MMP16: variants seen among roughly 807,000 people sequenced by gnomAD.
The protein encoded by MMP16 is matrix metalloproteinase-16.
Under a neutral mutation model 67.8 loss-of-function variants are expected in MMP16, and 12 were observed. The ratio of observed to expected loss-of-function variants is 0.18; its 90% CI spans 0.11 to 0.29. The LOEUF (loss-of-function observed/expected upper bound fraction) is 0.29. Among genes scored for constraint, MMP16 ranks in the 10% least tolerant of loss-of-function variants. MMP16 has a pLI of 1.00. For missense variants in MMP16, 475 were observed against 765.7 expected, an observed-to-expected ratio of 0.62 and a Z score of 4.48; for synonymous variants, 249 against 255.9, an observed-to-expected ratio of 0.97 and a Z score of 0.26.
chr8:88,116,828 T>A, intron 5 of MMP16, 110 bp from the exon 6 acceptor site: 1 of 947,378 alleles, frequency 1.1e-6, no homozygotes, highest in Non-Finnish European at 1.6e-6. Flanking sequence ...CTAACTGAAC[T>A]AAGAGGTCTT....
intron 1 of MMP16, among the ~76,000 whole-genome samples, chr8:88,220,864 A>G (rs1191709250): frequency 1.3e-5 from 2 of 152,108 alleles, no homozygotes; most frequent in African/African-American, 4.8e-5. Flanking sequence ...TAAACTTAGA[A>G]GATTGAGTAT....
At chr8:88,110,039 C>T (rs1809307805) in intron 6 of MMP16, among the ~76,000 whole-genome samples, 1 of 150,926 alleles carries the variant, frequency 6.6e-6, no homozygotes, top group East Asian at 2.0e-4. Flanking sequence ...TGGAATTTTA[C>T]CAAAATAAAA....
intron 1 of MMP16, among the ~76,000 whole-genome samples, chr8:88,316,617 C>T (rs1317213810): frequency 5.3e-5 from 8 of 152,168 alleles, no homozygotes; most frequent in African/African-American, 9.7e-5. Context: ...TCACTGACAA[C>T]ATATCTGGTC....
chr8:88,173,347 C>T (rs565348426), intron 3 of MMP16, among the ~76,000 whole-genome samples: 1 of 152,002 alleles, frequency 6.6e-6, no homozygotes, highest in African/African-American at 2.4e-5. Flanking sequence ...CCACCGGTCC[C>T]GGCTCTCTTT....
intron 1 of MMP16, among the ~76,000 whole-genome samples, chr8:88,297,513 C>T (rs1026522074): frequency 6.6e-6 from 1 of 152,174 alleles, no homozygotes; most frequent in African/African-American, 2.4e-5. Context: ...GGACTAAGGA[C>T]TTGATCATTA....
intron 4 of MMP16, among the ~76,000 whole-genome samples, chr8:88,129,159 G>A (rs1161211387): frequency 6.6e-6 from 1 of 151,738 alleles, no homozygotes; most frequent in Non-Finnish European, 1.5e-5. Flanking sequence ...ATACATAGAA[G>A]CAACTAACCT....
At chr8:88,135,903 C>T (rs1808111250) in intron 4 of MMP16, among the ~76,000 whole-genome samples, 1 of 151,780 alleles carries the variant, frequency 6.6e-6, no homozygotes, top group South Asian at 2.1e-4. Context: ...AAAACCGACT[C>T]AGTATTAATG....
intron 1 of MMP16, among the ~76,000 whole-genome samples, chr8:88,324,531 C>T (rs1436012499): frequency 6.6e-6 from 1 of 151,968 alleles, no homozygotes; most frequent in African/African-American, 2.4e-5. Flanking sequence ...AGCTTTGTTC[C>T]AACTATAAAA....
chr8:88,177,208 A>C (rs1030391205), intron 3 of MMP16, among the ~76,000 whole-genome samples: 3 of 152,192 alleles, frequency 2.0e-5, no homozygotes, highest in African/African-American at 7.2e-5. Context: ...ATGTGTGTAT[A>C]TATTTCGTAT....
At chr8:88,076,146 A>G (rs1808647491) in intron 6 of MMP16, among the ~76,000 whole-genome samples, 2 of 152,114 alleles carry the variant, frequency 1.3e-5, no homozygotes, top group South Asian at 4.1e-4. Flanking sequence ...AAAAGGAGGA[A>G]ATAGCTTAAT....
At chr8:88,296,577 G>A (rs1811015776) in intron 1 of MMP16, among the ~76,000 whole-genome samples, 1 of 152,074 alleles carries the variant, frequency 6.6e-6, no homozygotes, top group African/African-American at 2.4e-5. Flanking sequence ...GCTCATACCT[G>A]TAATCCCAGC....
At chr8:88,281,836 T>C (rs1266474942) in intron 1 of MMP16, among the ~76,000 whole-genome samples, 1 of 152,148 alleles carries the variant, frequency 6.6e-6, no homozygotes, top group East Asian at 1.9e-4. Flanking sequence ...GTCTATTCAT[T>C]CTACTGGAAA....
At chr8:88,068,868 AT>A (rs1808497716) in intron 7 of MMP16, among the ~76,000 whole-genome samples, 1 of 151,884 alleles carries the variant, frequency 6.6e-6, no homozygotes, top group Admixed American at 6.6e-5. Flanking sequence ...AGCCTGGCTA[AT>A]TTTTATATTT....
chr8:88,230,628 G>A (rs753375826), intron 1 of MMP16, among the ~76,000 whole-genome samples: 71 of 150,678 alleles, frequency 4.7e-4, no homozygotes, highest in Admixed American at 2.2e-3. Flanking sequence ...TACATAACAT[G>A]CCATTTTATA....
At chr8:88,260,290 GT>G (rs138965905) in intron 1 of MMP16, among the ~76,000 whole-genome samples, 16,099 of 151,832 alleles carry the variant, frequency 0.11, 1,022 homozygotes, top group South Asian at 0.18. Flanking sequence ...AGGAATACAT[GT>G]TTTTTTTGTT....
At chr8:88,237,216 T>C (rs1368833227) in intron 1 of MMP16, among the ~76,000 whole-genome samples, 1 of 152,184 alleles carries the variant, frequency 6.6e-6, no homozygotes, top group Non-Finnish European at 1.5e-5. Flanking sequence ...AAAAGGGATC[T>C]GAAATTCTTT....
intron 6 of MMP16, among the ~76,000 whole-genome samples, chr8:88,084,827 G>A (rs1258578575): frequency 6.6e-6 from 1 of 151,976 alleles, no homozygotes; most frequent in African/African-American, 2.4e-5. Context: ...TATTATTATG[G>A]AATCTTTGTA....
At chr8:88,280,594 T>G (rs1810717835) in intron 1 of MMP16, among the ~76,000 whole-genome samples, 1 of 152,188 alleles carries the variant, frequency 6.6e-6, no homozygotes, top group Non-Finnish European at 1.5e-5. Flanking sequence ...TTGTTTTTCT[T>G]TTGTTTTTTA....
intron 2 of MMP16, among the ~76,000 whole-genome samples, chr8:88,187,639 T>A (rs1809095714): frequency 6.6e-6 from 1 of 152,180 alleles, no homozygotes; most frequent in South Asian, 2.1e-4. Context: ...CATTTACACA[T>A]TAAGTAATTT....
Sources: allele counts gnomAD v4.1 joint callset (sites outside exome capture counted in the v4.1 genomes callset), GRCh38; gene constraint gnomAD v4.1.1; transcripts MANE v1.5; gene names NCBI Gene and HGNC (gene_info 2026-07-23, HGNC 2026-07-21).